Variants in SYNE1 observed in about 807,000 individuals in gnomAD.
The protein encoded by SYNE1 is spectrin repeat containing nuclear envelope protein 1, also known as nesprin-1.
Under a neutral mutation model 1,111.0 loss-of-function variants are expected in SYNE1, and 616 were observed. The observed-to-expected ratio is 0.55, with a 90% CI of 0.52 to 0.59. The LOEUF is 0.59. SYNE1 is among the 20% of genes least tolerant of loss of function. SYNE1 has a pLI of 0.00. For synonymous variants in SYNE1, 3,855 were observed against 3,825.8 expected, an observed-to-expected ratio of 1.01 and a Z score of -0.28; for missense variants, 10,006 against 10,417.0, an observed-to-expected ratio of 0.96 and a Z score of 1.72.
chr6:152,445,450 C>T (rs1389900695), intron 29 of SYNE1, among the ~76,000 whole-genome samples: 3 of 152,074 alleles, frequency 2.0e-5, no homozygotes, highest in South Asian at 2.1e-4. Context: ...CCTTTGTTTT[C>T]GAAGCCTATC....
intron 3 of SYNE1, among the ~76,000 whole-genome samples, chr6:152,611,729 T>A (rs534867003): frequency 5.9e-5 from 9 of 152,064 alleles, no homozygotes; most frequent in African/African-American, 2.2e-4. Context: ...TATTCTAAAA[T>A]TGACCACATA....
At chr6:152,536,207 T>TG (rs2099235682) in intron 4 of SYNE1, among the ~76,000 whole-genome samples, 1 of 150,870 alleles carries the variant, frequency 6.6e-6, no homozygotes, top group South Asian at 2.1e-4. Flanking sequence ...CATTGCCTTC[T>TG]TTTTCAGCCT....
intron 135 of SYNE1, among the ~76,000 whole-genome samples, chr6:152,151,278 G>T (rs113251958): frequency 1.2e-3 from 180 of 150,032 alleles, no homozygotes; most frequent in African/African-American, 4.2e-3. Flanking sequence ...TGGCAATCAA[G>T]CTGATTGAAA....
At chr6:152,131,648 G>C (rs1233137100) in intron 144 of SYNE1, among the ~76,000 whole-genome samples, 1 of 152,104 alleles carries the variant, frequency 6.6e-6, no homozygotes, top group Non-Finnish European at 1.5e-5. Context: ...CAAACCTTCA[G>C]GACCACCACC....
intron 96 of SYNE1, 180 bp from the exon 97 acceptor site, chr6:152,282,160 T>C: frequency 3.1e-6 from 2 of 641,968 alleles, no homozygotes; most frequent in Non-Finnish European, 5.5e-6. Context: ...GGGGTGAGTC[T>C]CAAAATTGGT....
At chr6:152,626,073 CA>C (rs1333432825) in intron 3 of SYNE1, among the ~76,000 whole-genome samples, 1 of 152,136 alleles carries the variant, frequency 6.6e-6, no homozygotes, top group East Asian at 1.9e-4. Context: ...ATTTCTCAAG[CA>C]AAACTAAATC....
chr6:152,232,787 TCTTA>T (rs2083077422), intron 112 of SYNE1, among the ~76,000 whole-genome samples: 1 of 152,220 alleles, frequency 6.6e-6, no homozygotes, highest in Admixed American at 6.5e-5. Flanking sequence ...CAATTCGAAA[TCTTA>T]CTTAACATAT....
intron 41 of SYNE1, among the ~76,000 whole-genome samples, chr6:152,414,248 T>TA (rs905758587): frequency 5.3e-5 from 8 of 150,098 alleles, no homozygotes; most frequent in Non-Finnish European, 1.0e-4. Flanking sequence ...TACAAAAAAT[T>TA]AAAAAAAAAA....
At chr6:152,181,082 C>CA (rs11439578) in intron 128 of SYNE1, among the ~76,000 whole-genome samples, 69,104 of 124,390 alleles carry the variant, frequency 0.56, 18,909 homozygotes, top group South Asian at 0.63. Context: ...TTTATCATTC[C>CA]AAAAAAAAAA....
chr6:152,430,557 C>T lies in SYNE1; in HGVS notation c.4614G>A (p.Glu1538=), dbSNP rs1424916794. The change falls in exon 35 of 146, where the codon GAG becomes GAA. Residue 1538 remains glutamate, a synonymous_variant. Transcript: ENST00000367255. Reference sequence around the variant, plus strand: ...TTGTTCCTTCCAGACACTGTGCATGCTCTCGAAGCTCTTCCCCGTATCTTC... The same window carrying T: ...TTGTTCCTTCCAGACACTGTGCATGTTCTCGAAGCTCTTCCCCGTATCTTC... ...QIRRYGEELR[E]HAQCLEGTIL... is the part of the protein sequence containing the mutation. 6.2e-7 allele frequency: 1 copy of T among 1,614,126 alleles called. No homozygotes were observed. Among genetic ancestry groups the T allele is most frequent in the Admixed American group, 1.7e-5 (1 of 59,998 alleles).
At chr6:152,393,635 T>G (rs1334948976) in intron 51 of SYNE1, among the ~76,000 whole-genome samples, 5 of 151,980 alleles carry the variant, frequency 3.3e-5, no homozygotes, top group African/African-American at 9.7e-5. Flanking sequence ...CTCATAGAGA[T>G]GTTCCAATGT....
At position 152,123,929 on chromosome 6, in the gene SYNE1, T is replaced by G. The variant is rs11754998; in HGVS notation, c.26154-1253A>C. Among the ~76,000 whole-genome samples the G allele has an allele frequency of 2.6e-5, 4 of 152,246 alleles. No individual in the cohort carries two copies. The South Asian group carries it at 8.3e-4, about 32-fold the overall frequency. On this transcript the variant is annotated intron_variant, in intron 145 of 145. Coordinates refer to ENST00000367255, the MANE Select transcript of SYNE1 (RefSeq NM_182961.4). ...AGACTACCCTAATATCGGTGGGGGA[T>G]GCGGAGTGACACCTAAGAAAATAAA...
chr6:152,305,111 G>A (rs868535385), intron 91 of SYNE1, among the ~76,000 whole-genome samples: 36 of 152,122 alleles, frequency 2.4e-4, no homozygotes, highest in African/African-American at 7.7e-4. Context: ...TAGAGTGGCC[G>A]CTAGAAGACA....
chr6:152,230,427 T>G (rs1290876853), intron 115 of SYNE1, 120 bp downstream of exon 115: 1 of 1,113,808 alleles, frequency 9.0e-7, no homozygotes, highest in Non-Finnish European at 1.3e-6. Flanking sequence ...AATTTGTTAC[T>G]AAATGCAACT....
chr6:152,352,693 T>C (rs977415464), intron 69 of SYNE1, among the ~76,000 whole-genome samples: 1 of 152,176 alleles, frequency 6.6e-6, no homozygotes, highest in Non-Finnish European at 1.5e-5. Context: ...TGTGAGCCAC[T>C]GTGCCTGGCC....
At chr6:152,597,425 T>G (rs1010316401) in intron 3 of SYNE1, among the ~76,000 whole-genome samples, 1 of 152,180 alleles carries the variant, frequency 6.6e-6, no homozygotes, top group Non-Finnish European at 1.5e-5. Context: ...GGACTACAGA[T>G]GTGCACCACC....
At chr6:152,201,701 T>G (rs554187335) in intron 127 of SYNE1, 123 bp downstream of exon 127, 1 of 1,445,214 alleles carries the variant, frequency 6.9e-7, no homozygotes, top group East Asian at 2.3e-5. Flanking sequence ...CCTGTCCTTA[T>G]GTCATATACT....
Position 152,136,635 on chromosome 6 carries a change from C to T in SYNE1, c.25642G>A (p.Ala8548Thr), listed in dbSNP as rs766253635. The T allele has an allele frequency of 4.3e-6, 7 of 1,613,712 alleles. No homozygotes were observed. The highest frequency in any genetic ancestry group is 2.2e-5 in the East Asian group (1 of 44,874). Residue 8548 changes from alanine (A) to threonine (T), a missense_variant, in exon 141 of 146, where the codon GCC becomes ACC. Ala to Thr is a moderately conservative substitution (Grantham distance 58). This residue lies in a region of SYNE1 where 761 missense variants were observed against 795.5 expected (regional missense o/e 0.96). Coordinates refer to ENST00000367255, the MANE Select transcript of SYNE1 (RefSeq NM_182961.4). ...LEEWRGLLQD[A>T]LMQCQGFHEM... is the part of the protein sequence containing the mutation. ...CTACAGACCTGGCACTGCATCAGGGCATCCTGCAGCAGGCCCCGCCACTCC... is the reference window on the plus strand; with the variant it reads ...CTACAGACCTGGCACTGCATCAGGGTATCCTGCAGCAGGCCCCGCCACTCC...
At chr6:152,397,328 A>G (rs767401190) in intron 49 of SYNE1, among the ~76,000 whole-genome samples, 3 of 152,146 alleles carry the variant, frequency 2.0e-5, no homozygotes, top group Admixed American at 6.5e-5. Flanking sequence ...AGCTGCCTCC[A>G]GCCCCTCCCC....
Sources: allele counts gnomAD v4.1 joint callset (sites outside exome capture counted in the v4.1 genomes callset), GRCh38; gene constraint gnomAD v4.1.1; regional missense constraint gnomAD v4.1.1; transcripts MANE v1.5; gene names NCBI Gene and HGNC (gene_info 2026-07-23, HGNC 2026-07-21).